Variants in CDH4 observed in about 807,000 individuals in gnomAD.
CDH4 encodes the protein cadherin-4.
Under a neutral mutation model 86.0 loss-of-function variants are expected in CDH4, and 33 were observed. The ratio of observed to expected loss-of-function variants is 0.38; its 90% CI spans 0.29 to 0.51. CDH4 has a LOEUF of 0.51. CDH4 is among the 20% of genes least tolerant of loss of function. The pLI is 0.86. For synonymous variants in CDH4, 555 were observed against 549.4 expected (o/e 1.01, Z -0.14); for missense variants, 1,114 against 1,307.4 (o/e 0.85, Z 2.28).
At position 61,529,852 on chromosome 20, in the gene CDH4, T is replaced by C. The variant is rs557414398; in HGVS notation, c.170-213711T>C. On this transcript the variant is annotated intron_variant, in intron 2 of 15. Transcript: ENST00000614565. ...TGTAATTTTTCTTTTCTTTTCTTTT[T>C]TTTGAGATGGAGTCTCGCTATGTCA... Among the ~76,000 whole-genome samples the C allele has an allele frequency of 5.3e-5, 8 of 152,278 alleles. No individual in the cohort carries two copies. The East Asian group carries it at 5.8e-4, about 11-fold the overall frequency.
rs910458270 is a variant in CDH4, at chr20:61,810,895, C to G, written c.577-33773C>G. Reference sequence around the variant, plus strand: ...ACGCAGCCAGCACAGAGGGTATGGCCGCTCCAGGAAGCTTCGAGACGGGGG... The same window carrying G: ...ACGCAGCCAGCACAGAGGGTATGGCGGCTCCAGGAAGCTTCGAGACGGGGG... On this transcript the variant is annotated intron_variant, in intron 4 of 15. Coordinates refer to ENST00000614565, the MANE Select transcript of CDH4 (RefSeq NM_001794.5). This position sits in a 1 kb window ranked among gnomAD's most constrained non-coding sequence, Gnocchi z 4.3. 1.3e-5 allele frequency among the ~76,000 whole-genome samples: 2 copies of G among 152,260 alleles called. No homozygotes were observed. The highest frequency in any genetic ancestry group is 2.9e-5 in the Non-Finnish European group (2 of 68,034).
In CDH4 at chr20:61,725,313, G is replaced by A. The variant is rs182650560; in HGVS notation, c.170-18250G>A. ...CACCTCCCCGAGCTGGTCATAGACA[G>A]TGCACACTGCACAGTACACACGCAC... On this transcript the variant is annotated intron_variant, in intron 2 of 15. Transcript: ENST00000614565. Among the ~76,000 whole-genome samples, 39 of 152,304 alleles carry A rather than the reference G, an allele frequency of 2.6e-4. No individual in the cohort carries two copies. In the East Asian group the frequency reaches 7.0e-3, roughly 27 times the overall value.
intron 2 of CDH4, among the ~76,000 whole-genome samples, chr20:61,500,266 G>C (rs2085691352): frequency 6.6e-6 from 1 of 152,250 alleles, no homozygotes; most frequent in African/African-American, 2.4e-5. Context: ...AGGATGCACG[G>C]TGCTGATAAA....
intron 4 of CDH4, among the ~76,000 whole-genome samples, chr20:61,816,688 T>TGGG (rs150549926): frequency 1.4e-5 from 2 of 144,422 alleles, no homozygotes; most frequent in Non-Finnish European, 3.0e-5. Context: ...GCACGTTAAA[T>TGGG]GGGGGGGGGC....
intron 2 of CDH4, among the ~76,000 whole-genome samples, chr20:61,427,338 G>A (rs985292808): frequency 6.6e-6 from 1 of 152,138 alleles, no homozygotes; most frequent in African/African-American, 2.4e-5. Context: ...AAGATGATGT[G>A]TCTCTTCTCC....
chr20:61,305,192 C>T (rs983917433), intron 2 of CDH4, among the ~76,000 whole-genome samples: 4 of 152,102 alleles, frequency 2.6e-5, no homozygotes, highest in African/African-American at 7.2e-5. Context: ...GTGTGTGTTT[C>T]GGTGGATCTA....
At chr20:61,816,936 C>T (rs938736469) in intron 4 of CDH4, among the ~76,000 whole-genome samples, 6 of 152,218 alleles carry the variant, frequency 3.9e-5, no homozygotes, top group Non-Finnish European at 5.9e-5. Flanking sequence ...CAAGTTAATT[C>T]GATATCATGG....
chr20:61,502,424 G>A (rs1289752742), intron 2 of CDH4, among the ~76,000 whole-genome samples: 3 of 152,160 alleles, frequency 2.0e-5, no homozygotes, highest in African/African-American at 7.2e-5. Flanking sequence ...TGAGGCAAAG[G>A]TTGTTCTCTT....
chr20:61,766,059 C>T (rs2088694791), intron 3 of CDH4, among the ~76,000 whole-genome samples: 1 of 151,920 alleles, frequency 6.6e-6, no homozygotes, highest in Non-Finnish European at 1.5e-5. Context: ...TTCTCTAGGA[C>T]CCCACTAGGC....
At chr20:61,831,388 T>A (rs1981606170) in intron 4 of CDH4, among the ~76,000 whole-genome samples, 1 of 152,162 alleles carries the variant, frequency 6.6e-6, no homozygotes. Context: ...AGCAGTGAAG[T>A]CTCGAGGGAA....
chr20:61,565,233 G>GTGGTGGTGGTGGCGGTGCTCT (rs1555809110), intron 2 of CDH4, among the ~76,000 whole-genome samples: 1 of 46,744 alleles, frequency 2.1e-5, no homozygotes, highest in Non-Finnish European at 4.1e-5. Context: ...GGTGGTGGTG[G>GTGGTGGTGGTGGCGGTGCTCT]TGGTGGTGGC....
At chr20:61,315,228 G>T (rs2123230414) in intron 2 of CDH4, among the ~76,000 whole-genome samples, 1 of 152,198 alleles carries the variant, frequency 6.6e-6, no homozygotes, top group Non-Finnish European at 1.5e-5. Flanking sequence ...ATCTGGATGG[G>T]GTCAGTGAGA....
intron 2 of CDH4, among the ~76,000 whole-genome samples, chr20:61,519,704 T>C (rs2085854114): frequency 6.6e-6 from 1 of 152,222 alleles, no homozygotes; most frequent in African/African-American, 2.4e-5. Context: ...TATTCTTTCG[T>C]TGTTCCTTAA....
intron 4 of CDH4, among the ~76,000 whole-genome samples, chr20:61,819,162 A>G (rs1306918280): frequency 4.6e-5 from 7 of 151,848 alleles, no homozygotes; most frequent in Non-Finnish European, 1.5e-5. Context: ...CAAGGATGTC[A>G]CCTCCGCTTC....
Position 61,708,734 on chromosome 20 carries a change from G to A in CDH4, c.170-34829G>A, listed in dbSNP as rs1233570174. ...CATCCTCCCCAGCCTCACATGAGGC[G>A]GCGCTGCCTCTGCGGAGGCCCCTTC... On this transcript the variant is annotated intron_variant, in intron 2 of 15. Transcript: ENST00000614565. The surrounding 1 kb of genome is among the most constrained non-coding windows in gnomAD (Gnocchi z 4.5). Among the ~76,000 whole-genome samples, 2 of 152,184 alleles carry A rather than the reference G, an allele frequency of 1.3e-5. No individual in the cohort carries two copies. Among genetic ancestry groups the A allele is most frequent in the South Asian group, 2.1e-4 (1 of 4,828 alleles).
At position 61,507,429 on chromosome 20, in the gene CDH4, A is replaced by C. The variant is rs6121655; in HGVS notation, c.170-236134A>C. Among the ~76,000 whole-genome samples the C allele has an allele frequency of 5.7e-3, 872 of 152,318 alleles. 7 individuals carry two copies. The highest frequency in any genetic ancestry group is 0.02 in the African/African-American group (840 of 41,568). ...ATGGAGGGTTTTCCGGGAGCACGGGAGATCGCTGGCCAGCAGCACGTGACC... is the reference window on the plus strand; with the variant it reads ...ATGGAGGGTTTTCCGGGAGCACGGGCGATCGCTGGCCAGCAGCACGTGACC... On this transcript the variant is annotated intron_variant, in intron 2 of 15. Transcript: ENST00000614565.
At position 61,498,695 on chromosome 20, in the gene CDH4, A is replaced by G. The variant is rs544693293; in HGVS notation, c.169+243758A>G. On this transcript the variant is annotated intron_variant, in intron 2 of 15. Transcript: ENST00000614565. ...TAATCTTTTGTCTTCCCTGGGCCAC[A>G]TTGGAAGAGGAATTGTCTTGGGTCA... Among the ~76,000 whole-genome samples, 314 of 152,296 alleles carry G rather than the reference A, an allele frequency of 2.1e-3. 1 individual carries two copies. Among genetic ancestry groups the G allele is most frequent in the African/African-American group, 7.1e-3 (297 of 41,564 alleles).
intron 3 of CDH4, 77 bp downstream of exon 3, chr20:61,743,866 GC>G: frequency 8.9e-7 from 1 of 1,129,288 alleles, no homozygotes; most frequent in Non-Finnish European, 1.3e-6. Context: ...CAGAGCCTCT[GC>G]CAGGGCTCCC....
At chr20:61,802,368 C>A (rs6089510) in intron 4 of CDH4, among the ~76,000 whole-genome samples, 54,454 of 152,028 alleles carry the variant, frequency 0.36, 9,838 homozygotes, top group East Asian at 0.42. Context: ...TGCAGCCACC[C>A]TGCTGTGTGT....
Sources: gnomAD v4.1 joint callset for allele counts (sites outside exome capture counted in the v4.1 genomes callset) on GRCh38, gnomAD v4.1.1 for gene constraint, Gnocchi (gnomAD v3.1) non-coding constraint, MANE v1.5 for transcripts, NCBI Gene and HGNC (gene_info 2026-07-23, HGNC 2026-07-21) for gene names.